Variants in NTN1 observed in about 807,000 individuals in gnomAD.
NTN1 encodes the protein netrin-1.
Under a neutral mutation model 54.2 loss-of-function variants are expected in NTN1, and 11 were observed. That is an observed-to-expected ratio of 0.20 (90% CI 0.13 to 0.34). The LOEUF (loss-of-function observed/expected upper bound fraction) is 0.34, where lower values mean the gene tolerates loss of function less well. NTN1 is among the 10% of genes least tolerant of loss of function. The pLI is 1.00. For synonymous variants in NTN1, 371 were observed against 382.0 expected, an observed-to-expected ratio of 0.97 and a Z score of 0.33; for missense variants, 740 against 893.1, an observed-to-expected ratio of 0.83 and a Z score of 2.18.
At chr17:9,119,859 T>C (rs2092226800) in intron 2 of NTN1, among the ~76,000 whole-genome samples, 1 of 152,152 alleles carries the variant, frequency 6.6e-6, no homozygotes, top group African/African-American at 2.4e-5. Flanking sequence ...TGGTTTTGGT[T>C]TGCATTTCCC....
At chr17:9,024,723 C>A (rs962230709) in intron 2 of NTN1, among the ~76,000 whole-genome samples, 2 of 152,206 alleles carry the variant, frequency 1.3e-5, no homozygotes, top group Admixed American at 6.5e-5. Context: ...CCGGGCCTCC[C>A]GCCTCCTGTT....
chr17:9,046,883 G>T (rs180696389), intron 2 of NTN1, among the ~76,000 whole-genome samples: 1 of 152,052 alleles, frequency 6.6e-6, no homozygotes, highest in African/African-American at 2.4e-5. Flanking sequence ...CTAGATACAC[G>T]AACACACCTT....
At chr17:9,183,833 G>T (rs1311482281) in intron 5 of NTN1, among the ~76,000 whole-genome samples, 2 of 152,224 alleles carry the variant, frequency 1.3e-5, no homozygotes, top group African/African-American at 4.8e-5. Flanking sequence ...ATGTTGCATA[G>T]CTCTGGCTGT....
At chr17:9,129,639 C>T (rs953674870) in intron 2 of NTN1, among the ~76,000 whole-genome samples, 9 of 152,220 alleles carry the variant, frequency 5.9e-5, no homozygotes, top group African/African-American at 1.9e-4. Flanking sequence ...CCTGAATCTC[C>T]GTTTGCTTCT....
chr17:9,222,054 T>C (rs996063208), intron 6 of NTN1, among the ~76,000 whole-genome samples: 2 of 152,210 alleles, frequency 1.3e-5, no homozygotes, highest in African/African-American at 2.4e-5. Context: ...AGGGCATCCA[T>C]GTGGGTGGCT....
In NTN1 at chr17:9,052,247, A is replaced by T. The variant is rs2091963200; in HGVS notation, c.1018+28856A>T. Among the ~76,000 whole-genome samples, 3 of 152,208 alleles carry T rather than the reference A, an allele frequency of 2.0e-5. No individual in the cohort carries two copies. In the South Asian group the frequency reaches 6.2e-4, roughly 31 times the overall value. On this transcript the variant is annotated intron_variant, in intron 2 of 6. Coordinates refer to ENST00000173229, the MANE Select transcript of NTN1 (RefSeq NM_004822.3). ...CGGCCTCCCAAAGTGCTGGGATTAC[A>T]GGCATGAGCCACCACTCCCGGCCCC...
Position 9,135,427 on chromosome 17 carries a change from C to T in NTN1, c.1019-27386C>T, listed in dbSNP as rs759005719. Reference sequence around the variant, plus strand: ...TTCCTCTGGCCTCTGAGCCTTTGGACGTCCTTCCCCCTATTCTCGGGTTGT... The same window carrying T: ...TTCCTCTGGCCTCTGAGCCTTTGGATGTCCTTCCCCCTATTCTCGGGTTGT... On this transcript the variant is annotated intron_variant, in intron 2 of 6. Coordinates refer to ENST00000173229, the MANE Select transcript of NTN1 (RefSeq NM_004822.3). This position sits in a 1 kb window ranked among gnomAD's most constrained non-coding sequence, Gnocchi z 4.4. 6.6e-6 allele frequency among the ~76,000 whole-genome samples: 1 copy of T among 152,338 alleles called. No individual in the cohort carries two copies. The highest frequency in any genetic ancestry group is 2.1e-4 in the South Asian group (1 of 4,828).
chr17:9,163,569 G>A (rs1475988244), intron 3 of NTN1, among the ~76,000 whole-genome samples: 1 of 148,850 alleles, frequency 6.7e-6, no homozygotes, highest in Non-Finnish European at 1.5e-5. Context: ...GTCTCAGAAG[G>A]AACATTTAAT....
intron 2 of NTN1, among the ~76,000 whole-genome samples, chr17:9,142,053 G>A (rs2092299555): frequency 6.6e-6 from 1 of 152,218 alleles, no homozygotes; most frequent in African/African-American, 2.4e-5. Flanking sequence ...CATGAACCCG[G>A]GAGGCGGAGC....
At chr17:9,059,257 A>T (rs1459440702) in intron 2 of NTN1, among the ~76,000 whole-genome samples, 1 of 152,142 alleles carries the variant, frequency 6.6e-6, no homozygotes. Context: ...AATCCTCAAA[A>T]ATCTGAACCT....
chr17:9,076,030 C>A (rs2092048273), intron 2 of NTN1, among the ~76,000 whole-genome samples: 1 of 152,202 alleles, frequency 6.6e-6, no homozygotes, highest in South Asian at 2.1e-4. Flanking sequence ...TCCTTGAGGT[C>A]ATTTTTAAAA....
chr17:9,239,587 G>C lies in NTN1; in HGVS notation c.1487-53G>C. The C allele has an allele frequency of 6.4e-7, 1 of 1,556,186 alleles. No homozygotes were observed. Among genetic ancestry groups the C allele is most frequent in the Non-Finnish European group, 8.8e-7 (1 of 1,136,906 alleles). Reference sequence around the variant, plus strand: ...CCTTCTCCCCAGGCTCAGGCAGGGCGGACCTAGCCACAGCAGCTGGGAGCC... The same window carrying C: ...CCTTCTCCCCAGGCTCAGGCAGGGCCGACCTAGCCACAGCAGCTGGGAGCC... On this transcript the variant is annotated intron_variant, in intron 6 of 6. Transcript: ENST00000173229. The surrounding 1 kb of genome is among the most constrained non-coding windows in gnomAD (Gnocchi z 5.2).
At chr17:9,163,224 G>A (rs888906605) in intron 3 of NTN1, among the ~76,000 whole-genome samples, 14 of 145,430 alleles carry the variant, frequency 9.6e-5, no homozygotes, top group African/African-American at 2.9e-4. Flanking sequence ...AAAACAAAGG[G>A]GTGATGGAGA....
chr17:9,041,319 A>C (rs919771921), intron 2 of NTN1, among the ~76,000 whole-genome samples: 2 of 152,184 alleles, frequency 1.3e-5, no homozygotes, highest in Non-Finnish European at 2.9e-5. Flanking sequence ...CCCCAAAAGG[A>C]GCTTTCTACG....
chr17:9,131,924 T>A (rs957822615), intron 2 of NTN1, among the ~76,000 whole-genome samples: 9 of 151,650 alleles, frequency 5.9e-5, no homozygotes, highest in African/African-American at 1.7e-4. Context: ...TGCCTCAACC[T>A]CCCTAATAGC....
At chr17:9,024,549 A>G (rs1271135342) in intron 2 of NTN1, among the ~76,000 whole-genome samples, 1 of 152,322 alleles carries the variant, frequency 6.6e-6, no homozygotes, top group East Asian at 1.9e-4. Flanking sequence ...GGTCCCCACA[A>G]ACACACGTTT....
intron 2 of NTN1, among the ~76,000 whole-genome samples, chr17:9,030,528 C>T (rs1271879279): frequency 6.6e-6 from 1 of 152,106 alleles, no homozygotes; most frequent in Non-Finnish European, 1.5e-5. Context: ...AGGGGGATCA[C>T]GAGGTCAGGA....
chr17:9,069,017 A>G (rs2092024582), intron 2 of NTN1, among the ~76,000 whole-genome samples: 2 of 152,130 alleles, frequency 1.3e-5, no homozygotes, highest in Non-Finnish European at 2.9e-5. Context: ...CTCCATGAGT[A>G]CAGGAATCAG....
intron 2 of NTN1, among the ~76,000 whole-genome samples, chr17:9,091,859 C>T (rs1185228986): frequency 6.6e-6 from 1 of 152,140 alleles, no homozygotes; most frequent in African/African-American, 2.4e-5. Context: ...ACTCTATACC[C>T]CTGAAACAAC....
Sources: gnomAD v4.1 joint callset for allele counts (sites outside exome capture counted in the v4.1 genomes callset) on GRCh38, gnomAD v4.1.1 for gene constraint, Gnocchi (gnomAD v3.1) non-coding constraint, MANE v1.5 for transcripts, NCBI Gene and HGNC (gene_info 2026-07-23, HGNC 2026-07-21) for gene names.